The following DNAH9 variants were observed in gnomAD, a reference collection of about 807,000 sequenced individuals.
DNAH9 encodes the protein DNAH9 variant protein.
A neutral mutation model predicts 471.6 loss-of-function variants in DNAH9; 345 were observed. The ratio of observed to expected loss-of-function variants is 0.73; its 90% confidence interval spans 0.67 to 0.80. DNAH9 has a LOEUF of 0.80. Among genes scored for constraint, DNAH9 ranks in the 30% least tolerant of loss-of-function variants. The pLI, the probability that DNAH9 is intolerant of heterozygous loss-of-function variation, is 0.00. For missense variants in DNAH9, 5,407 were observed against 5,609.2 expected (o/e 0.96, Z 1.15); for synonymous variants, 2,093 against 2,123.6 (o/e 0.99, Z 0.40).
In DNAH9 at chr17:11,644,621, G is replaced by T. The variant is rs1255843776; in HGVS notation, c.1902-10G>T. On this transcript the variant is annotated splice_polypyrimidine_tract_variant and intron_variant, in intron 10 of 68. Coordinates refer to ENST00000262442, the MANE Select transcript of DNAH9 (RefSeq NM_001372.4). ...AATTCTGTGTCACTTTTTCTCTTTT[G>T]TACGAGTAGTTGCATGGAATCTGCA... The T allele has an allele frequency of 1.9e-6, 3 of 1,596,316 alleles. No individual in the cohort carries two copies. Among genetic ancestry groups the T allele is most frequent in the African/African-American group, 1.3e-5 (1 of 74,480 alleles).
At chr17:11,719,261 C>T (rs2075014137) in intron 26 of DNAH9, 73 bp from the exon 27 acceptor site, 3 of 1,455,048 alleles carry the variant, frequency 2.1e-6, no homozygotes, top group Non-Finnish European at 2.8e-6. Context: ...CCAGATCTCA[C>T]ATGGCCTTGA....
At chr17:11,782,591 A>C (rs1279499763) in intron 39 of DNAH9, among the ~76,000 whole-genome samples, 2 of 152,116 alleles carry the variant, frequency 1.3e-5, no homozygotes, top group African/African-American at 4.8e-5. Context: ...TAGCTGCTTC[A>C]CATCATTTAA....
At chr17:11,935,109 C>T (rs1974662369) in intron 65 of DNAH9, among the ~76,000 whole-genome samples, 1 of 151,618 alleles carries the variant, frequency 6.6e-6, no homozygotes, top group South Asian at 2.1e-4. Context: ...GGATTACAGG[C>T]CCCCACCACC....
At chr17:11,798,151 A>T (rs1019294285) in intron 43 of DNAH9, among the ~76,000 whole-genome samples, 1 of 152,056 alleles carries the variant, frequency 6.6e-6, no homozygotes, top group Non-Finnish European at 1.5e-5. Context: ...AAAATGAGAT[A>T]GGCTGGACAG....
chr17:11,745,414 C>T (rs1294432077), intron 31 of DNAH9, among the ~76,000 whole-genome samples: 2 of 152,188 alleles, frequency 1.3e-5, no homozygotes, highest in Non-Finnish European at 2.9e-5. Flanking sequence ...TCTACAGAAC[C>T]TCCACTCAAT....
rs114668847 is a variant in DNAH9 at position 11,612,222 on chromosome 17, T to C, written c.904+442T>C. On this transcript the variant is annotated intron_variant, in intron 4 of 68. Coordinates refer to ENST00000262442, the MANE Select transcript of DNAH9 (RefSeq NM_001372.4). ...TGTGTGACCAACTCCAGGGTGGTCATGTGAGTCCATCTGTCCTAATCAAGG... is the reference window on the plus strand; with the variant it reads ...TGTGTGACCAACTCCAGGGTGGTCACGTGAGTCCATCTGTCCTAATCAAGG... 2,795 of 340,976 alleles carry C rather than the reference T, an allele frequency of 8.2e-3. 65 individuals are homozygous for C. The highest frequency in any genetic ancestry group is 0.053 in the African/African-American group (2,531 of 48,006). 21.1% of individuals were successfully genotyped at this position (340,976 alleles called of 1,614,324 possible).
In DNAH9 at chr17:11,924,050, C is replaced by T. The variant is rs573821288; in HGVS notation, c.11877+109C>T. ...GCTTCTCCCCATCTGTCCTTTCACA[C>T]TCTTGTCCCCTTCATTTCTTCATCT... On this transcript the variant is annotated intron_variant, in intron 62 of 68. Coordinates refer to ENST00000262442, the MANE Select transcript of DNAH9 (RefSeq NM_001372.4). 163 of 1,418,374 alleles carry T rather than the reference C, an allele frequency of 1.1e-4. 1 individual carries two copies. In the African/African-American group the frequency reaches 2.0e-3, roughly 17 times the overall value. The allele number at this position is 1,418,374 out of a possible 1,614,324, so 87.9% of individuals were successfully genotyped here. A position where few individuals can be genotyped will look rare whatever the true frequency, so the allele number is the denominator to read the frequency against.
chr17:11,694,061 T>C, intron 21 of DNAH9, 63 bp downstream of exon 21: 1 of 1,586,770 alleles, frequency 6.3e-7, no homozygotes, highest in East Asian at 2.2e-5. Context: ...CCCCATCGTC[T>C]CTGAGACCAG....
chr17:11,930,188 G>A lies in DNAH9; in HGVS notation c.12105+95G>A, dbSNP rs552883095. On this transcript the variant is annotated intron_variant, in intron 63 of 68. Transcript: ENST00000262442. ...AGAGCATGCAACTCAGAAGGGAGTC[G>A]GGTGCTGGTTGGGCTACGGAGCAAT... 129 of 1,127,350 alleles carry A rather than the reference G, an allele frequency of 1.1e-4. No homozygotes were observed. In the East Asian group the frequency reaches 1.9e-3, roughly 17 times the overall value. 69.8% of individuals were successfully genotyped at this position (1,127,350 alleles called of 1,614,324 possible). A position where few individuals can be genotyped will look rare whatever the true frequency, so the allele number is the denominator to read the frequency against.
Position 11,768,435 on chromosome 17 carries a change from C to T in DNAH9, c.7171-18C>T, listed in dbSNP as rs771295272. Reference sequence around the variant, plus strand: ...AGTTCTGGAGGACCTTGTCCCCTGACTGTCTTTGTTTTTGCAGCTTGTGGA... The same window carrying T: ...AGTTCTGGAGGACCTTGTCCCCTGATTGTCTTTGTTTTTGCAGCTTGTGGA... On this transcript the variant is annotated intron_variant, in intron 36 of 68. Coordinates refer to ENST00000262442, the MANE Select transcript of DNAH9 (RefSeq NM_001372.4). 1.9e-6 allele frequency: 3 copies of T among 1,608,470 alleles called. No homozygotes were observed. Among genetic ancestry groups the T allele is most frequent in the South Asian group, 2.2e-5 (2 of 90,888 alleles).
chr17:11,757,441 C>G lies in DNAH9; in HGVS notation c.6848-104C>G, dbSNP rs1967445343. ...GGCCAAATCTCCTTTTCTTTTCAGTCCAGTCTTCTGTACATTTTCCAAACA... is the reference window on the plus strand; with the variant it reads ...GGCCAAATCTCCTTTTCTTTTCAGTGCAGTCTTCTGTACATTTTCCAAACA... On this transcript the variant is annotated intron_variant, in intron 34 of 68. Coordinates refer to ENST00000262442, the MANE Select transcript of DNAH9 (RefSeq NM_001372.4). The G allele has an allele frequency of 2.7e-6, 3 of 1,105,342 alleles. No individual in the cohort carries two copies. The Admixed American group carries it at 7.2e-5, about 27-fold the overall frequency. 68.5% of individuals were successfully genotyped at this position (1,105,342 alleles called of 1,614,324 possible).
intron 9 of DNAH9, among the ~76,000 whole-genome samples, chr17:11,638,242 G>A (rs575647539): frequency 3.9e-4 from 59 of 152,270 alleles, no homozygotes; most frequent in Admixed American, 3.0e-3. Flanking sequence ...AAGAAAATCC[G>A]TTGGCCAAGC....
chr17:11,734,391 G>A (rs1436130247), intron 28 of DNAH9, among the ~76,000 whole-genome samples: 1 of 152,252 alleles, frequency 6.6e-6, no homozygotes, highest in African/African-American at 2.4e-5. Flanking sequence ...AATTCCTGCG[G>A]AATAGGACCA....
intron 62 of DNAH9, among the ~76,000 whole-genome samples, chr17:11,924,430 CCTA>C (rs1974245830): frequency 6.6e-6 from 1 of 151,978 alleles, no homozygotes; most frequent in Non-Finnish European, 1.5e-5. Flanking sequence ...ATCTGGAACC[CCTA>C]CTACTGATAA....
chr17:11,963,326 C>T (rs1469027942), intron 68 of DNAH9, among the ~76,000 whole-genome samples: 5 of 151,772 alleles, frequency 3.3e-5, no homozygotes, highest in African/African-American at 9.7e-5. Flanking sequence ...CCCAGCTACT[C>T]GGAATGCTGA....
At position 11,664,867 on chromosome 17, in the gene DNAH9, C is replaced by T; in HGVS notation, c.2630C>T (p.Ser877Phe). 4 of 1,613,396 alleles carry T rather than the reference C, an allele frequency of 2.5e-6. No homozygotes were observed. The highest frequency in any genetic ancestry group is 3.4e-6 in the Non-Finnish European group (4 of 1,179,410). ...NLGLFSADPT[S>F]NIWKTYVNSI... ...GGTCTATTTTCAGCAGACCCAACCT[C>T]CAATATCTGGAAGACTTATGTTAAC... is the stretch of plus-strand genomic sequence containing the variant. Residue 877 changes from serine (S) to phenylalanine (F), a missense_variant, in exon 15 of 69, where the codon TCC becomes TTC. Physicochemically the swap from Ser to Phe is radical, Grantham distance 155. Coordinates refer to ENST00000262442, the MANE Select transcript of DNAH9 (RefSeq NM_001372.4).
At chr17:11,648,630 C>T (rs55735314) in intron 12 of DNAH9, among the ~76,000 whole-genome samples, 2,104 of 151,756 alleles carry the variant, frequency 0.014, 37 homozygotes, top group East Asian at 0.085. Flanking sequence ...ATGTGTAACA[C>T]ATAGGGCACA....
At chr17:11,843,863 G>GTGTGTGTA (rs1253794533) in intron 49 of DNAH9, among the ~76,000 whole-genome samples, 56 of 46,466 alleles carry the variant, frequency 1.2e-3, no homozygotes, top group Admixed American at 4.1e-3. Context: ...GTGTGTGTGT[G>GTGTGTGTA]TATATATATA....
chr17:11,931,927 A>G (rs1271556447), intron 63 of DNAH9, 87 bp from the exon 64 acceptor site: 23 of 1,469,168 alleles, frequency 1.6e-5, no homozygotes, highest in Admixed American at 1.9e-5. Context: ...ATGTTTTCCA[A>G]CACGAACCCT....
Sources: gnomAD v4.1 joint callset for allele counts (sites outside exome capture counted in the v4.1 genomes callset) on GRCh38, gnomAD v4.1.1 for gene constraint, MANE v1.5 for transcripts, NCBI Gene and HGNC (gene_info 2026-07-23, HGNC 2026-07-21) for gene names.